The following FAM20C variants were observed in gnomAD, a reference collection of about 807,000 sequenced individuals.
FAM20C encodes the protein extracellular serine/threonine protein kinase FAM20C.
Under a neutral mutation model 51.5 loss-of-function variants are expected in FAM20C, and 40 were observed. The ratio of observed to expected loss-of-function variants is 0.78; its 90% CI spans 0.60 to 1.01. The LOEUF (loss-of-function observed/expected upper bound fraction) is 1.01. Ranked by LOEUF, FAM20C falls within the 50% of genes least tolerant of loss-of-function variation. The pLI, the probability that FAM20C is intolerant of heterozygous loss-of-function variation, is 0.00. For missense variants in FAM20C, 861 were observed against 844.7 expected (o/e 1.02, Z -0.24); for synonymous variants, 406 against 380.6 (o/e 1.07, Z -0.78).
chr7:237,844 A>ATGATGGTGGTGGAGG (rs1583323557), intron 3 of FAM20C, among the ~76,000 whole-genome samples: 45 of 662 alleles, frequency 0.068, no homozygotes, highest in East Asian at 0.15. Flanking sequence ...GATAGTGATG[A>ATGATGGTGGTGGAGG]TGNNNNNNNN....
intron 3 of FAM20C, among the ~76,000 whole-genome samples, chr7:219,305 G>C (rs1279194119): frequency 6.6e-6 from 1 of 152,074 alleles, no homozygotes; most frequent in Non-Finnish European, 1.5e-5. Context: ...GTCCGTGCTT[G>C]CTGAGTGCAT....
intron 3 of FAM20C, chr7:245,880 T>A (rs142720675): frequency 0.11 from 16,829 of 152,820 alleles, 2,612 homozygotes; most frequent in African/African-American, 0.35. Context: ...CTTCTTGGGC[T>A]CTTACTGTGG....
At position 249,739 on chromosome 7, in the gene FAM20C, C is replaced by G. The variant is rs917016397; in HGVS notation, c.1072+1309C>G. On this transcript the variant is annotated intron_variant, in intron 5 of 9. Coordinates refer to ENST00000313766, the MANE Select transcript of FAM20C (RefSeq NM_020223.4). Reference sequence around the variant, plus strand: ...TGGGCAACAGAGTGAGACCCTGTCTCAAAAAAAAAGAAAAGAAAAGAAACT... The same window carrying G: ...TGGGCAACAGAGTGAGACCCTGTCTGAAAAAAAAAGAAAAGAAAAGAAACT... Among the ~76,000 whole-genome samples, 17 of 150,592 alleles carry G rather than the reference C, an allele frequency of 1.1e-4. No homozygotes were observed. The South Asian group carries it at 1.3e-3, about 11-fold the overall frequency.
At chr7:226,885 G>GT (rs1787468375) in intron 3 of FAM20C, among the ~76,000 whole-genome samples, 2 of 152,136 alleles carry the variant, frequency 1.3e-5, no homozygotes, top group Non-Finnish European at 2.9e-5. Flanking sequence ...TGAATAAATG[G>GT]TAAAAACAGC....
Position 259,686 on chromosome 7 carries a change from A to G in FAM20C, c.1506-45A>G, listed in dbSNP as rs151045521. 0.059 allele frequency: 87,641 copies of G among 1,483,268 alleles called. 2,922 individuals carry two copies. The highest frequency in any genetic ancestry group is 0.081 in the South Asian group (6,231 of 76,728). The allele number at this position is 1,483,268 out of a possible 1,614,324, so 91.9% of individuals were successfully genotyped here. On this transcript the variant is annotated intron_variant, in intron 9 of 9. Transcript: ENST00000313766. ...TTCTCTCGCTTTCCCGTGGGCAGGC[A>G]TCTCCCCTGTCCCGTGCCAGGCCTG...
At position 192,799 on chromosome 7, in the gene FAM20C, G is replaced by GGCCGCC. The variant is rs995299548; in HGVS notation, c.-397_-392dup. On this transcript the variant is annotated 5_prime_UTR_variant, in exon 1 of 10. Coordinates refer to ENST00000313766, the MANE Select transcript of FAM20C (RefSeq NM_020223.4). ...GCGCGCTGAGGATCGGGACGCCTGC[G>GGCCGCC]GCCGCCGCCACCGCCCAGGCCCGTC... is the stretch of plus-strand genomic sequence containing the variant. 2.0e-5 allele frequency among the ~76,000 whole-genome samples: 3 copies of GGCCGCC among 146,492 alleles called. No homozygotes were observed. Among genetic ancestry groups the GGCCGCC allele is most frequent in the African/African-American group, 7.4e-5 (3 of 40,488 alleles).
intron 5 of FAM20C, among the ~76,000 whole-genome samples, chr7:254,356 C>G (rs932943964): frequency 1.3e-5 from 2 of 152,246 alleles, no homozygotes; most frequent in Non-Finnish European, 2.9e-5. Flanking sequence ...AATGCTGGGA[C>G]TGGGGGAGCT....
intron 3 of FAM20C, among the ~76,000 whole-genome samples, chr7:213,714 C>T (rs966950563): frequency 7.2e-5 from 11 of 152,174 alleles, no homozygotes; most frequent in Non-Finnish European, 8.8e-5. Context: ...GTGATAACTG[C>T]GTTTAACTGT....
At chr7:231,208 TG>T (rs995469812) in intron 3 of FAM20C, among the ~76,000 whole-genome samples, 15 of 151,900 alleles carry the variant, frequency 9.9e-5, no homozygotes, top group Non-Finnish European at 1.5e-4. Context: ...GTGGGTGCGC[TG>T]GGGGGTCTGT....
intron 2 of FAM20C, among the ~76,000 whole-genome samples, chr7:203,100 G>T (rs1453195629): frequency 1.3e-5 from 2 of 152,148 alleles, no homozygotes; most frequent in Non-Finnish European, 2.9e-5. Context: ...ACGGTGTGGG[G>T]TGACTTTGGG....
chr7:256,504 C>T (rs749662404), intron 6 of FAM20C, 150 bp from the exon 7 acceptor site: 95 of 670,584 alleles, frequency 1.4e-4, no homozygotes, highest in African/African-American at 8.7e-4. Context: ...CCCGTGCTCC[C>T]GCTAATGCAG....
At chr7:200,980 G>A (rs1293697223) in intron 2 of FAM20C, among the ~76,000 whole-genome samples, 1 of 152,214 alleles carries the variant, frequency 6.6e-6, no homozygotes, top group African/African-American at 2.4e-5. Context: ...CGGTGCCCAG[G>A]GTGAATGGGT....
intron 2 of FAM20C, among the ~76,000 whole-genome samples, chr7:196,595 G>A (rs62428646): frequency 0.055 from 8,328 of 152,302 alleles, 306 homozygotes; most frequent in Non-Finnish European, 0.084. Flanking sequence ...CTTTCTTTGC[G>A]CTGTGTGATG....
Position 260,085 on chromosome 7 carries a change from A to T in FAM20C, c.*105A>T, listed in dbSNP as rs1788822387. ...TCAGTGAATTCAGAGGCAGGACGGG[A>T]TCATCCGGAGTCGGGAGCTGCTGCC... On this transcript the variant is annotated 3_prime_UTR_variant, in exon 10 of 10. Coordinates refer to ENST00000313766, the MANE Select transcript of FAM20C (RefSeq NM_020223.4). 7.2e-7 allele frequency: 1 copy of T among 1,385,520 alleles called. No homozygotes were observed. The highest frequency in any genetic ancestry group is 1.6e-5 in the South Asian group (1 of 61,212). The allele number at this position is 1,385,520 out of a possible 1,614,324, so 85.8% of individuals were successfully genotyped here.
Position 259,821 on chromosome 7 carries a change from C to A in FAM20C, c.1596C>A (p.Asp532Glu), listed in dbSNP as rs1269498375. The change falls in exon 10 of 10, where the codon GAC (aspartate) becomes GAA (glutamate). Residue 532 changes from aspartate to glutamate, a missense_variant. Asp to Glu is a conservative substitution (Grantham distance 45). Around this residue, in one of 3 missense-constraint regions of FAM20C, gnomAD observed 269 missense variants for 283.8 expected, o/e 0.95. Transcript: ENST00000313766. The stretch of plus-strand genomic sequence containing the variant: ...TGATGGCCGAGTCTCTGCGGGGGGA[C>A]CAGGTGGCACCCGTGCTGTACCAGC... The part of the protein sequence containing the change: ...SLLMAESLRG[D>E]QVAPVLYQPH... 2 of 1,536,312 alleles carry A rather than the reference C, an allele frequency of 1.3e-6. No homozygotes were observed. Among genetic ancestry groups the A allele is most frequent in the East Asian group, 2.4e-5 (1 of 40,924 alleles).
intron 3 of FAM20C, among the ~76,000 whole-genome samples, chr7:222,922 G>A (rs1357193494): frequency 6.6e-6 from 1 of 152,166 alleles, no homozygotes; most frequent in Admixed American, 6.5e-5. Flanking sequence ...GTGCATGTGT[G>A]GGTGTGTGTA....
At chr7:201,706 T>G (rs1786134749) in intron 2 of FAM20C, among the ~76,000 whole-genome samples, 1 of 152,244 alleles carries the variant, frequency 6.6e-6, no homozygotes, top group African/African-American at 2.4e-5. Context: ...TGTAAGACGC[T>G]TATTTCATAA....
intron 2 of FAM20C, among the ~76,000 whole-genome samples, chr7:197,860 C>A (rs1008853783): frequency 2.4e-4 from 36 of 152,210 alleles, no homozygotes; most frequent in Admixed American, 5.9e-4. Flanking sequence ...TCTTTGCCCA[C>A]CTTAGGAGTG....
intron 2 of FAM20C, among the ~76,000 whole-genome samples, chr7:205,688 G>A (rs564412010): frequency 2.0e-5 from 3 of 152,146 alleles, no homozygotes; most frequent in Non-Finnish European, 4.4e-5. Context: ...TCTCCCTCCT[G>A]CCTGGGGCCA....
Sources: gnomAD v4.1 joint callset for allele counts (sites outside exome capture counted in the v4.1 genomes callset) on GRCh38, gnomAD v4.1.1 for gene constraint, gnomAD v4.1.1 regional missense constraint, MANE v1.5 for transcripts, NCBI Gene and HGNC (gene_info 2026-07-23, HGNC 2026-07-21) for gene names.